Variants in CCDC33 observed in about 807,000 individuals in gnomAD.
The protein encoded by CCDC33 is coiled-coil domain-containing protein 33.
Under a neutral mutation model 91.9 loss-of-function variants are expected in CCDC33, and 94 were observed. The observed-to-expected ratio is 1.02, with a 90% CI of 0.87 to 1.21. The LOEUF is 1.21. CCDC33 is among the 50% of genes most tolerant of loss of function. CCDC33 has a pLI of 0.00. For missense variants in CCDC33, 940 were observed against 935.5 expected (o/e 1.00, Z -0.06); for synonymous variants, 396 against 374.5 (o/e 1.06, Z -0.66).
intron 1 of CCDC33, among the ~76,000 whole-genome samples, chr15:74,205,443 C>T (rs1323412374): frequency 1.3e-5 from 2 of 152,092 alleles, no homozygotes; most frequent in Non-Finnish European, 1.5e-5. Context: ...AGGAGAGATG[C>T]CAGGCACTTA....
intron 10 of CCDC33, among the ~76,000 whole-genome samples, chr15:74,294,608 G>A (rs1338463374): frequency 5.9e-5 from 9 of 152,050 alleles, no homozygotes; most frequent in Admixed American, 6.5e-5. Flanking sequence ...TTAGCCAGGT[G>A]TGGTGGCGGA....
At chr15:74,209,348 C>T (rs1353354079) in intron 1 of CCDC33, 5 of 1,531,108 alleles carry the variant, frequency 3.3e-6, no homozygotes, top group Non-Finnish European at 4.4e-6. Context: ...GCTGAGGAAC[C>T]CCCTACTTAC....
At chr15:74,287,141 G>A (rs2059490883) in intron 10 of CCDC33, among the ~76,000 whole-genome samples, 1 of 152,158 alleles carries the variant, frequency 6.6e-6, no homozygotes. Flanking sequence ...TAGAGAAACT[G>A]CAACACAAAC....
At chr15:74,257,185 A>G (rs2075891359) in intron 2 of CCDC33, among the ~76,000 whole-genome samples, 1 of 152,224 alleles carries the variant, frequency 6.6e-6, no homozygotes, top group African/African-American at 2.4e-5. Flanking sequence ...ATTAGAGTCC[A>G]ATTAATAAAT....
intron 10 of CCDC33, among the ~76,000 whole-genome samples, chr15:74,291,666 G>A (rs1391910687): frequency 1.3e-5 from 2 of 152,262 alleles, no homozygotes; most frequent in East Asian, 3.8e-4. Flanking sequence ...ACCAAGGACA[G>A]CAGCTGCAGC....
At chr15:74,256,013 G>A (rs549838910) in intron 2 of CCDC33, among the ~76,000 whole-genome samples, 9 of 152,344 alleles carry the variant, frequency 5.9e-5, no homozygotes, top group Admixed American at 5.9e-4. Flanking sequence ...CACCTGCTGG[G>A]CCCCACTTTG....
chr15:74,270,715 G>A (rs1428707294), intron 5 of CCDC33, among the ~76,000 whole-genome samples: 1 of 152,100 alleles, frequency 6.6e-6, no homozygotes, highest in Non-Finnish European at 1.5e-5. Flanking sequence ...TCTTAGGCTG[G>A]CAGCAGAGGC....
intron 2 of CCDC33, chr15:74,221,441 T>A: frequency 2.2e-6 from 1 of 446,388 alleles, no homozygotes; most frequent in Non-Finnish European, 3.0e-6. Context: ...CCACGGCCCC[T>A]GGGTTACACA....
chr15:74,313,442 A>C (rs2060030825), intron 11 of CCDC33, among the ~76,000 whole-genome samples: 1 of 119,968 alleles, frequency 8.3e-6, no homozygotes. Context: ...TTTTTGAGAC[A>C]GAGTCTCACT....
At chr15:74,221,845 A>T (rs902935802) in intron 2 of CCDC33, among the ~76,000 whole-genome samples, 1 of 151,198 alleles carries the variant, frequency 6.6e-6, no homozygotes, top group African/African-American at 2.4e-5. Context: ...GCTCCACTAC[A>T]CTCGTCCCAC....
At chr15:74,222,312 GT>G (rs1441315127) in intron 2 of CCDC33, among the ~76,000 whole-genome samples, 4 of 152,016 alleles carry the variant, frequency 2.6e-5, no homozygotes, top group African/African-American at 9.7e-5. Flanking sequence ...TTCCTTGTTT[GT>G]AGCTCTGGGA....
intron 3 of CCDC33, among the ~76,000 whole-genome samples, chr15:74,265,143 C>G (rs1048255432): frequency 1.3e-5 from 2 of 152,100 alleles, no homozygotes; most frequent in Non-Finnish European, 1.5e-5. Context: ...ATCCAAATGA[C>G]CCATCCAGTT....
At chr15:74,222,779 C>T (rs997601501) in intron 2 of CCDC33, among the ~76,000 whole-genome samples, 2 of 147,924 alleles carry the variant, frequency 1.4e-5, no homozygotes, top group African/African-American at 5.0e-5. Context: ...CACCCCTACC[C>T]CCATCCCACC....
intron 2 of CCDC33, among the ~76,000 whole-genome samples, chr15:74,228,377 C>G (rs2074865346): frequency 6.6e-6 from 1 of 152,206 alleles, no homozygotes; most frequent in African/African-American, 2.4e-5. Flanking sequence ...CTGTTGAATT[C>G]AATGTGTAGT....
chr15:74,280,834 G>A (rs780959356), intron 9 of CCDC33, 33 bp downstream of exon 9: 38 of 1,428,388 alleles, frequency 2.7e-5, no homozygotes, highest in South Asian at 1.6e-4. Context: ...GGCCCCTAGC[G>A]TGCCCACCTG....
At chr15:74,335,348 G>A in intron 18 of CCDC33, 1 of 600,904 alleles carries the variant, frequency 1.7e-6, no homozygotes, top group South Asian at 2.0e-5. Flanking sequence ...TCAAGGAGAT[G>A]ACTGTGGATG....
At chr15:74,333,247 A>G (rs1156447642) in intron 16 of CCDC33, 1 of 1,601,278 alleles carries the variant, frequency 6.2e-7, no homozygotes, top group East Asian at 2.2e-5. Context: ...TGGGAGCAGG[A>G]GGAGACTTGA....
chr15:74,260,308 C>T (rs112636385), intron 2 of CCDC33, among the ~76,000 whole-genome samples: 1 of 152,204 alleles, frequency 6.6e-6, no homozygotes, highest in Non-Finnish European at 1.5e-5. Context: ...GCCTCCCACA[C>T]ACCACTTTGC....
intron 2 of CCDC33, 85 bp from the exon 3 acceptor site, chr15:74,262,355 G>T: frequency 1.3e-6 from 2 of 1,557,862 alleles, no homozygotes. Context: ...CTTTCACTCA[G>T]ATTTATGGAC....
Sources: allele counts gnomAD v4.1 joint callset (sites outside exome capture counted in the v4.1 genomes callset), GRCh38; gene constraint gnomAD v4.1.1; transcripts MANE v1.5; gene names NCBI Gene and HGNC (gene_info 2026-07-23, HGNC 2026-07-21).